Variants in PACS2 observed in about 807,000 individuals in gnomAD.
PACS2 encodes the protein PACS1-like protein.
PACS2 carries 36 observed loss-of-function variants against 113.0 expected under a neutral mutation model. That is an observed-to-expected ratio of 0.32 (90% CI 0.24 to 0.42). The LOEUF is 0.42. Ranked by LOEUF, PACS2 falls within the 10% of genes least tolerant of loss-of-function variation. PACS2 has a pLI of 1.00. For synonymous variants in PACS2, 589 were observed against 536.1 expected (o/e 1.10, Z -1.36); for missense variants, 1,015 against 1,239.5 (o/e 0.82, Z 2.72).
At position 105,348,639 on chromosome 14, in the gene PACS2, G is replaced by A. The variant is rs587646781; in HGVS notation, c.207+59G>A. 1.5e-5 allele frequency: 19 copies of A among 1,257,544 alleles called. No homozygotes were observed. The South Asian group carries it at 2.1e-4, about 14-fold the overall frequency. The allele number at this position is 1,257,544 out of a possible 1,614,324, so 77.9% of individuals were successfully genotyped here. On this transcript the variant is annotated intron_variant, in intron 2 of 24. Coordinates refer to ENST00000447393, the MANE Select transcript of PACS2 (RefSeq NM_001100913.3). This position sits in a 1 kb window ranked among gnomAD's most constrained non-coding sequence, Gnocchi z 6.4. ...TGCTGTGTAGGCTTTCCATGTGCCT[G>A]GGAGACGAGTCAGGCGGTGCGCTAC...
At position 105,323,332 on chromosome 14, in the gene PACS2, TG is replaced by T. The variant is rs2058969157; in HGVS notation, c.119+8298del. ...CCATAGATGCACTGGGTGGTGTCAG[TG>T]GGCGGCGGCTGGCTGGGGCAGTAGC... On this transcript the variant is annotated intron_variant, in intron 1 of 24. Transcript: ENST00000447393. This position sits in a 1 kb window ranked among gnomAD's most constrained non-coding sequence, Gnocchi z 4.1. Among the ~76,000 whole-genome samples the T allele has an allele frequency of 6.6e-6, 1 of 152,210 alleles. No homozygotes were observed. The highest frequency in any genetic ancestry group is 1.5e-5 in the Non-Finnish European group (1 of 68,034).
rs1261660427 is a variant in PACS2, at chr14:105,345,370, G to A, written c.120-3123G>A. On this transcript the variant is annotated intron_variant, in intron 1 of 24. Coordinates refer to ENST00000447393, the MANE Select transcript of PACS2 (RefSeq NM_001100913.3). ...TGCAGTGAGCTGAGATCACGCCACC[G>A]CACTCCAGCCTGGGCAACAGAGCGA... Among the ~76,000 whole-genome samples, 33 of 151,946 alleles carry A rather than the reference G, an allele frequency of 2.2e-4. 1 individual carries two copies. Among genetic ancestry groups the A allele is most frequent in the Admixed American group, 9.2e-4 (14 of 15,260 alleles).
At chr14:105,318,176 T>C (rs755167397) in intron 1 of PACS2, among the ~76,000 whole-genome samples, 2 of 152,254 alleles carry the variant, frequency 1.3e-5, no homozygotes, top group South Asian at 4.1e-4. Flanking sequence ...AGAGACAGGG[T>C]CTCCCTATGT....
intron 1 of PACS2, among the ~76,000 whole-genome samples, chr14:105,337,106 A>T (rs587746396): frequency 6.6e-6 from 1 of 152,362 alleles, no homozygotes; most frequent in East Asian, 1.9e-4. Flanking sequence ...CCTGAAAAGG[A>T]AGGAAATGGA....
Position 105,366,964 on chromosome 14 carries a change from C to A in PACS2, c.424-249C>A, listed in dbSNP as rs921442542. On this transcript the variant is annotated intron_variant, in intron 4 of 24. Coordinates refer to ENST00000447393, the MANE Select transcript of PACS2 (RefSeq NM_001100913.3). This position sits in a 1 kb window ranked among gnomAD's most constrained non-coding sequence, Gnocchi z 4.3. ...CAGTGCCCTCTGCTTATGGCCCGTT[C>A]GTGAAAGCTCCCACGTGTTCCTCTC... 1.3e-5 allele frequency among the ~76,000 whole-genome samples: 2 copies of A among 152,174 alleles called. No homozygotes were observed. Among genetic ancestry groups the A allele is most frequent in the African/African-American group, 4.8e-5 (2 of 41,434 alleles).
At chr14:105,306,950 T>A (rs1222222503) in intron 1 of PACS2, among the ~76,000 whole-genome samples, 1 of 151,886 alleles carries the variant, frequency 6.6e-6, no homozygotes, top group East Asian at 1.9e-4. Flanking sequence ...TGGGGTCTCG[T>A]GGACCTAGAG....
chr14:105,367,713 C>T (rs1555408291), intron 5 of PACS2, among the ~76,000 whole-genome samples: 1 of 152,264 alleles, frequency 6.6e-6, no homozygotes, highest in Non-Finnish European at 1.5e-5. Flanking sequence ...GCTGCCGCCA[C>T]CCCAGTGGGG....
At chr14:105,382,643 G>A in intron 14 of PACS2, 62 bp downstream of exon 14, 7 of 1,135,522 alleles carry the variant, frequency 6.2e-6, no homozygotes, top group Non-Finnish European at 9.3e-6. Context: ...GTGGGTTCCT[G>A]AAGCTGCCCC....
At chr14:105,351,053 G>C (rs1353129249) in intron 2 of PACS2, among the ~76,000 whole-genome samples, 1 of 152,184 alleles carries the variant, frequency 6.6e-6, no homozygotes, top group Non-Finnish European at 1.5e-5. Flanking sequence ...CCCGAACCTG[G>C]GCTGGCCCCG....
rs1555412165 is a variant in PACS2 at position 105,381,995 on chromosome 14, G to A, written c.1350G>A (p.Arg450=). Residue 450 remains arginine (R), a synonymous_variant, in exon 13 of 25, where the codon CGG becomes CGA. Coordinates refer to ENST00000447393, the MANE Select transcript of PACS2 (RefSeq NM_001100913.3). ...ERQAARPQNE[R]ANSLDNERCP... is the part of the protein sequence containing the mutation. Reference sequence around the variant, plus strand: ...AGGCAGCACGGCCCCAGAATGAGCGGGCCAACAGCCTGGACAACGAGCGCT... The same window carrying A: ...AGGCAGCACGGCCCCAGAATGAGCGAGCCAACAGCCTGGACAACGAGCGCT... 1.3e-6 allele frequency: 2 copies of A among 1,550,210 alleles called. No individual in the cohort carries two copies. The highest frequency in any genetic ancestry group is 2.4e-5 in the East Asian group (1 of 40,980).
chr14:105,313,456 G>T (rs1461613279), upstream of PACS2, among the ~76,000 whole-genome samples: 1 of 152,228 alleles, frequency 6.6e-6, no homozygotes, highest in Non-Finnish European at 1.5e-5. Context: ...GGAGCCAGGG[G>T]CGCGTGGGAA....
chr14:105,383,640 C>T lies in PACS2; in HGVS notation c.1780+127C>T, dbSNP rs7401937. 3.7e-3 allele frequency: 3,018 copies of T among 824,374 alleles called. 168 individuals are homozygous for T. The Admixed American group carries it at 0.08, about 22-fold the overall frequency. The allele number at this position is 824,374 out of a possible 1,614,324, so 51.1% of individuals were successfully genotyped here. On this transcript the variant is annotated intron_variant, in intron 16 of 24. Coordinates refer to ENST00000447393, the MANE Select transcript of PACS2 (RefSeq NM_001100913.3). ...CGTGGCGCGGTGTGTCGTGGTGTGG[C>T]GCGGTGTGGCATGGCGTGGTGTCCC...
chr14:105,362,195 G>A (rs587693125), intron 4 of PACS2, among the ~76,000 whole-genome samples: 10,046 of 151,658 alleles, frequency 0.066, 1,069 homozygotes, highest in African/African-American at 0.22. Context: ...ACGGTGGGCG[G>A]ATCACGAGGT....
rs1555408167 is a variant in PACS2, at chr14:105,367,263, C to T, written c.474C>T (p.Ser158=). ...GCCAGGTGCTGAGCCTCTGCAGCAG[C>T]ATCAAGGAGGCCCCCGTCAAGGCGG... ...EGGQVLSLCS[S]IKEAPVKAAE... is the part of the protein sequence containing the mutation. The change falls in exon 5 of 25, where the codon AGC becomes AGT. Residue 158 remains serine, a synonymous_variant. Coordinates refer to ENST00000447393, the MANE Select transcript of PACS2 (RefSeq NM_001100913.3). The T allele has an allele frequency of 6.2e-7, 1 of 1,613,166 alleles. No individual in the cohort carries two copies. The highest frequency in any genetic ancestry group is 1.1e-5 in the South Asian group (1 of 91,088).
Position 105,382,513 on chromosome 14 carries a change from A to T in PACS2, c.1450A>T (p.Ile484Phe). ...RKTVYDQLNHILISDDQLPEN... is the reference protein window; with the variant it reads ...RKTVYDQLNHFLISDDQLPEN... ...GACTGTGTATGACCAGCTCAACCAC[A>T]TCCTCATCTCCGATGACCAGCTTCC... is the stretch of plus-strand genomic sequence containing the variant. The change falls in exon 14 of 25, where the codon ATC (isoleucine) becomes TTC (phenylalanine). Residue 484 changes from isoleucine (I) to phenylalanine (F), a missense_variant. Physicochemically the swap from Ile to Phe is conservative, Grantham distance 21. Transcript: ENST00000447393. 1 of 1,613,048 alleles carries T rather than the reference A, an allele frequency of 6.2e-7. No homozygotes were observed. Among genetic ancestry groups the T allele is most frequent in the Non-Finnish European group, 8.5e-7 (1 of 1,179,032 alleles).
At chr14:105,328,565 C>G (rs1459215170) in intron 1 of PACS2, among the ~76,000 whole-genome samples, 4 of 152,206 alleles carry the variant, frequency 2.6e-5, no homozygotes, top group Non-Finnish European at 4.4e-5. Context: ...ATCCTTGAAG[C>G]TGGAATATTC....
chr14:105,348,660 G>A lies in PACS2; in HGVS notation c.207+80G>A, dbSNP rs587710673. ...GCCTGGGAGACGAGTCAGGCGGTGC[G>A]CTACTGTGGGGCCTTGTGCCAAAAC... is the stretch of plus-strand genomic sequence containing the variant. On this transcript the variant is annotated intron_variant, in intron 2 of 24. Transcript: ENST00000447393. This position sits in a 1 kb window ranked among gnomAD's most constrained non-coding sequence, Gnocchi z 6.4. 1.8e-5 allele frequency: 19 copies of A among 1,043,288 alleles called. No homozygotes were observed. The highest frequency in any genetic ancestry group is 8.9e-5 in the South Asian group (7 of 79,090). The allele number at this position is 1,043,288 out of a possible 1,614,324, so 64.6% of individuals were successfully genotyped here.
chr14:105,391,858 C>T (rs923257868), intron 22 of PACS2, 92 bp downstream of exon 22: 9 of 1,305,234 alleles, frequency 6.9e-6, no homozygotes, highest in Admixed American at 2.8e-5. Context: ...ACATCCACCT[C>T]CCAGGGCACC....
chr14:105,314,696 G>C (rs1262349131), upstream of PACS2: 1 of 142,658 alleles, frequency 7.0e-6, no homozygotes, highest in Non-Finnish European at 1.6e-5. Context: ...CGGGGCGGCC[G>C]GGGGCGCGCG....
Sources: allele counts gnomAD v4.1 joint callset (sites outside exome capture counted in the v4.1 genomes callset), GRCh38; gene constraint gnomAD v4.1.1; non-coding constraint Gnocchi (gnomAD v3.1); transcripts MANE v1.5; gene names NCBI Gene and HGNC (gene_info 2026-07-23, HGNC 2026-07-21).